SUGCT: variants seen among roughly 807,000 people sequenced by gnomAD.
The protein encoded by SUGCT is succinyl-CoA:glutarate-CoA transferase, also known as succinyl-CoA:glutarate CoA-transferase.
In SUGCT, 41 loss-of-function variants were observed where a neutral mutation model predicts 55.0. That is an observed-to-expected ratio of 0.74 (90% CI 0.58 to 0.97). The LOEUF (loss-of-function observed/expected upper bound fraction) is 0.97. SUGCT is among the 50% of genes least tolerant of loss of function. The pLI, the probability that SUGCT is intolerant of heterozygous loss-of-function variation, is 0.00. For synonymous variants in SUGCT, 187 were observed against 200.4 expected (o/e 0.93, Z 0.56); for missense variants, 568 against 547.8 (o/e 1.04, Z -0.37).
chr7:40,271,766 A>G (rs74865536), intron 7 of SUGCT, among the ~76,000 whole-genome samples: 3,629 of 152,076 alleles, frequency 0.024, 128 homozygotes, highest in African/African-American at 0.082. Context: ...TCTACTGAAC[A>G]ACAATTCTTA....
At chr7:40,295,241 A>G (rs1416167165) in intron 8 of SUGCT, among the ~76,000 whole-genome samples, 1 of 152,160 alleles carries the variant, frequency 6.6e-6, no homozygotes, top group African/African-American at 2.4e-5. Flanking sequence ...GATAACTACT[A>G]TGAAAAGTTT....
At chr7:40,982,180 A>G in the SUGCT span, among the ~76,000 whole-genome samples, 1 of 152,216 alleles carries the variant, frequency 6.6e-6, no homozygotes, top group Admixed American at 6.5e-5. Context: ...AGAACTCAAT[A>G]CATAATAGCC....
chr7:40,653,094 G>A (rs1419272597), intron 12 of SUGCT, among the ~76,000 whole-genome samples: 1 of 152,124 alleles, frequency 6.6e-6, no homozygotes, highest in African/African-American at 2.4e-5. Flanking sequence ...TTTCATCTTT[G>A]TATCTCTGTT....
At chr7:40,679,257 A>G (rs896254801) in intron 12 of SUGCT, among the ~76,000 whole-genome samples, 16 of 152,328 alleles carry the variant, frequency 1.1e-4, no homozygotes, top group African/African-American at 3.4e-4. Flanking sequence ...GTGTTTATCA[A>G]TCTTGAAGAT....
At chr7:40,996,841 T>C in the SUGCT span, among the ~76,000 whole-genome samples, 1 of 152,178 alleles carries the variant, frequency 6.6e-6, no homozygotes, top group Admixed American at 6.5e-5. Flanking sequence ...AGCCAAACTA[T>C]TCTCTGTCAT....
At chr7:40,407,474 A>G (rs1180802859) in intron 9 of SUGCT, among the ~76,000 whole-genome samples, 1 of 152,090 alleles carries the variant, frequency 6.6e-6, no homozygotes, top group East Asian at 1.9e-4. Context: ...CAAAAATTAA[A>G]AAAAAGAAGT....
At chr7:40,597,546 ACT>A (rs1798075496) in intron 12 of SUGCT, among the ~76,000 whole-genome samples, 1 of 152,158 alleles carries the variant, frequency 6.6e-6, no homozygotes, top group African/African-American at 2.4e-5. Flanking sequence ...GGCAGGATTC[ACT>A]TTCTGGCTTT....
At position 40,314,559 on chromosome 7, in the gene SUGCT, CTTTTTT is replaced by C. The variant is rs1292941632; in HGVS notation, c.721-2184_721-2179del. Among the ~76,000 whole-genome samples, 375 of 108,736 alleles carry C rather than the reference CTTTTTT, an allele frequency of 3.4e-3. 2 individuals carry two copies. Among genetic ancestry groups the C allele is most frequent in the African/African-American group, 0.011 (322 of 30,116 alleles). 71.3% of individuals were successfully genotyped at this position (108,736 alleles called of 152,430 possible). A position where few individuals can be genotyped will look rare whatever the true frequency, so the allele number is the denominator to read the frequency against. On this transcript the variant is annotated intron_variant, in intron 8 of 13. Coordinates refer to ENST00000335693, the MANE Select transcript of SUGCT (RefSeq NM_001193313.2). ...ATAACTCCTATTGCATCCCTTGTGT[CTTTTTT>C]TTTTTTTTTTTTTTTTAAGACAGAG...
At chr7:40,359,132 G>T (rs1344814367) in intron 9 of SUGCT, among the ~76,000 whole-genome samples, 1 of 152,124 alleles carries the variant, frequency 6.6e-6, no homozygotes, top group Non-Finnish European at 1.5e-5. Flanking sequence ...AGCAGCATTA[G>T]CTTTATGTTC....
chr7:40,704,425 G>T (rs1785301521), intron 12 of SUGCT, among the ~76,000 whole-genome samples: 1 of 152,150 alleles, frequency 6.6e-6, no homozygotes, highest in Admixed American at 6.5e-5. Flanking sequence ...ACCCATATTA[G>T]AAGGGAGGTG....
At chr7:40,644,810 C>A (rs756400926) in intron 12 of SUGCT, among the ~76,000 whole-genome samples, 1 of 152,084 alleles carries the variant, frequency 6.6e-6, no homozygotes, top group Admixed American at 6.6e-5. Context: ...TTGCCGTCAC[C>A]GAAACTTGCC....
intron 1 of SUGCT, among the ~76,000 whole-genome samples, chr7:40,167,068 G>A (rs890883158): frequency 6.6e-6 from 1 of 152,148 alleles, no homozygotes; most frequent in African/African-American, 2.4e-5. Flanking sequence ...ATGAAGACAT[G>A]TTCTCACAAA....
chr7:40,472,128 G>A (rs921544226), intron 11 of SUGCT, among the ~76,000 whole-genome samples: 5 of 152,062 alleles, frequency 3.3e-5, no homozygotes, highest in African/African-American at 1.2e-4. Flanking sequence ...TAGGCATATA[G>A]AGCCTTAAAG....
At chr7:41,037,259 C>A in the SUGCT span, among the ~76,000 whole-genome samples, 1 of 152,010 alleles carries the variant, frequency 6.6e-6, no homozygotes, top group Admixed American at 6.5e-5. Context: ...CATTTCCCCC[C>A]ACATAGACAC....
chr7:40,414,670 G>C (rs1786872297), intron 9 of SUGCT, among the ~76,000 whole-genome samples: 1 of 152,090 alleles, frequency 6.6e-6, no homozygotes, highest in African/African-American at 2.4e-5. Flanking sequence ...ACTTTGGGAG[G>C]CCAGGGCGGG....
Position 40,335,863 on chromosome 7 carries a change from A to G in SUGCT, c.816+19008A>G, listed in dbSNP as rs543110131. ...CAATGCTTCCAGTTTATGCCCATTCAGTATGATATTGGCTGTGGGTTTGTC... is the reference window on the plus strand; with the variant it reads ...CAATGCTTCCAGTTTATGCCCATTCGGTATGATATTGGCTGTGGGTTTGTC... On this transcript the variant is annotated intron_variant, in intron 9 of 13. Transcript: ENST00000335693. 1.2e-3 allele frequency among the ~76,000 whole-genome samples: 176 copies of G among 152,340 alleles called. 1 individual carries two copies. Among genetic ancestry groups the G allele is most frequent in the African/African-American group, 4.1e-3 (169 of 41,582 alleles).
At chr7:41,016,576 A>T in the SUGCT span, among the ~76,000 whole-genome samples, 3 of 152,228 alleles carry the variant, frequency 2.0e-5, no homozygotes, top group African/African-American at 7.2e-5. Flanking sequence ...AAGAAAGAAA[A>T]CATGAAGAAG....
At chr7:40,376,381 T>A (rs1218745417) in intron 9 of SUGCT, among the ~76,000 whole-genome samples, 1 of 152,046 alleles carries the variant, frequency 6.6e-6, no homozygotes, top group Non-Finnish European at 1.5e-5. Context: ...TTTTATCTAA[T>A]GTATCTTTTT....
chr7:40,731,367 C>G (rs1786879423), intron 12 of SUGCT, among the ~76,000 whole-genome samples: 3 of 152,190 alleles, frequency 2.0e-5, no homozygotes, highest in Non-Finnish European at 4.4e-5. Context: ...GTTCCCTCTA[C>G]TAGTCCACAA....
Sources: allele counts gnomAD v4.1 joint callset (sites outside exome capture counted in the v4.1 genomes callset), GRCh38; gene constraint gnomAD v4.1.1; transcripts MANE v1.5; gene names NCBI Gene and HGNC (gene_info 2026-07-23, HGNC 2026-07-21).